The following FGD5 variants were observed in gnomAD, a reference collection of about 807,000 sequenced individuals.
FGD5 encodes FYVE, RhoGEF and PH domain containing 5.
A neutral mutation model predicts 133.4 loss-of-function variants in FGD5; 28 were observed. That is an observed-to-expected ratio of 0.21 (90% CI 0.16 to 0.29). The LOEUF (loss-of-function observed/expected upper bound fraction) is 0.29, where lower values mean the gene tolerates loss of function less well. Among genes scored for constraint, FGD5 ranks in the 10% least tolerant of loss-of-function variants. The pLI is 1.00. For synonymous variants in FGD5, 810 were observed against 776.5 expected (o/e 1.04, Z -0.72); for missense variants, 1,858 against 1,895.2 (o/e 0.98, Z 0.36).
chr3:14,835,195 G>A (rs1332401746), intron 1 of FGD5, among the ~76,000 whole-genome samples: 7 of 152,174 alleles, frequency 4.6e-5, no homozygotes, highest in African/African-American at 9.7e-5. Flanking sequence ...GCTGTCCTGC[G>A]GGTCAGAAAG....
In FGD5 at chr3:14,898,771, G is replaced by A. The variant is rs1326518520; in HGVS notation, c.3099G>A (p.Lys1033=). 4 of 1,586,722 alleles carry A rather than the reference G, an allele frequency of 2.5e-6. No homozygotes were observed. Among genetic ancestry groups the A allele is most frequent in the Non-Finnish European group, 3.4e-6 (4 of 1,167,240 alleles). The change falls in exon 7 of 20, where the codon AAG becomes AAA. Residue 1033 remains lysine, a synonymous_variant. Coordinates refer to ENST00000285046, the MANE Select transcript of FGD5 (RefSeq NM_152536.4). ...QSVQGGSQTA[K]HRLLRVVQRL... ...TACAAGGAGGCAGCCAGACTGCGAA[G>A]CATCGGCTGCTGCGGGTGGTTCAAC...
At chr3:14,889,883 CT>C (rs1404963779) in intron 4 of FGD5, among the ~76,000 whole-genome samples, 3 of 152,136 alleles carry the variant, frequency 2.0e-5, no homozygotes, top group African/African-American at 7.2e-5. Flanking sequence ...ATTGAGGTAT[CT>C]TTTTTGTATT....
intron 18 of FGD5, among the ~76,000 whole-genome samples, chr3:14,928,045 G>A (rs1346681956): frequency 6.6e-6 from 1 of 151,504 alleles, no homozygotes; most frequent in Non-Finnish European, 1.5e-5. Flanking sequence ...GGGTTCAAGT[G>A]ATTCTCCTGC....
At chr3:14,844,264 AT>A (rs1559477513) in intron 1 of FGD5, among the ~76,000 whole-genome samples, 1 of 83,470 alleles carries the variant, frequency 1.2e-5, no homozygotes, top group Non-Finnish European at 2.3e-5. Context: ...ATATATATAT[AT>A]ATATATAATG....
Position 14,819,034 on chromosome 3 carries a change from C to T in FGD5, c.-38C>T. On this transcript the variant is annotated 5_prime_UTR_variant, in exon 1 of 20. Coordinates refer to ENST00000285046, the MANE Select transcript of FGD5 (RefSeq NM_152536.4). This position sits in a 1 kb window ranked among gnomAD's most constrained non-coding sequence, Gnocchi z 4.1. ...CCAGTGACCGCGCCCAAATTCCCTT[C>T]CTCAGCCAGGCCCGAGAGTCTTCAC... 1 of 1,502,730 alleles carries T rather than the reference C, an allele frequency of 6.7e-7. No individual in the cohort carries two copies. Among genetic ancestry groups the T allele is most frequent in the Non-Finnish European group, 8.9e-7 (1 of 1,125,054 alleles). The allele number at this position is 1,502,730 out of a possible 1,614,324, so 93.1% of individuals were successfully genotyped here.
Position 14,819,272 on chromosome 3 carries a change from G to A in FGD5, c.201G>A (p.Val67=). ...SESETDEDYI[V]VPRVPLREDE... is the part of the protein sequence containing the mutation. The stretch of plus-strand genomic sequence containing the variant: ...CGGAGACCGACGAGGATTACATCGT[G>A]GTCCCCAGGGTTCCGCTGAGGGAGG... The change falls in exon 1 of 20, where the codon GTG becomes GTA. Residue 67 remains valine, a synonymous_variant. Transcript: ENST00000285046. This position sits in a 1 kb window ranked among gnomAD's most constrained non-coding sequence, Gnocchi z 4.1. 1 of 1,531,700 alleles carries A rather than the reference G, an allele frequency of 6.5e-7. No individual in the cohort carries two copies. The highest frequency in any genetic ancestry group is 8.8e-7 in the Non-Finnish European group (1 of 1,137,014). 94.9% of individuals were successfully genotyped at this position (1,531,700 alleles called of 1,614,324 possible).
chr3:14,844,264 A>G (rs1288938140), intron 1 of FGD5, among the ~76,000 whole-genome samples: 1 of 83,470 alleles, frequency 1.2e-5, no homozygotes, highest in African/African-American at 4.8e-5. Context: ...ATATATATAT[A>G]TATATATAAT....
chr3:14,888,154 A>AGT (rs3039778), intron 4 of FGD5, among the ~76,000 whole-genome samples: 104,507 of 148,814 alleles, frequency 0.7, 36,890 homozygotes, highest in Non-Finnish European at 0.73. Context: ...TGGGTGACAG[A>AGT]GAGATCCTTT....
At chr3:14,822,654 G>T (rs6801410) in intron 1 of FGD5, among the ~76,000 whole-genome samples, 8,573 of 152,204 alleles carry the variant, frequency 0.056, 259 homozygotes, top group African/African-American at 0.075. Flanking sequence ...TTATGGAATT[G>T]TGGACACAAC....
At position 14,821,044 on chromosome 3, in the gene FGD5, C is replaced by T; in HGVS notation, c.1973C>T (p.Ala658Val). The change falls in exon 1 of 20, where the codon GCA becomes GTA. Residue 658 changes from alanine to valine, a missense_variant. This residue lies in a region of FGD5 where 1,824 missense variants were observed against 1,848.9 expected (regional missense o/e 0.99). Transcript: ENST00000285046. ...AAGTCATCCTTTAAGCGCTTCCTGG[C>T]ACTGACGTTTAAGAAGAAGACGGAG... ...KKKSSFKRFLALTFKKKTENK... is the reference protein window; with the variant it reads ...KKKSSFKRFLVLTFKKKTENK... 3 of 1,613,948 alleles carry T rather than the reference C, an allele frequency of 1.9e-6. No homozygotes were observed. Among genetic ancestry groups the T allele is most frequent in the Non-Finnish European group, 1.7e-6 (2 of 1,179,892 alleles).
At chr3:14,912,379 C>T (rs2038465807) in intron 11 of FGD5, among the ~76,000 whole-genome samples, 1 of 152,122 alleles carries the variant, frequency 6.6e-6, no homozygotes, top group Admixed American at 6.5e-5. Context: ...TCTGGCTGGT[C>T]GGTTCTGCAG....
Position 14,922,923 on chromosome 3 carries a change from A to G in FGD5, c.3808-123A>G. 3 of 1,384,056 alleles carry G rather than the reference A, an allele frequency of 2.2e-6. No individual in the cohort carries two copies. The highest frequency in any genetic ancestry group is 3.0e-6 in the Non-Finnish European group (3 of 996,854). 85.7% of individuals were successfully genotyped at this position (1,384,056 alleles called of 1,614,324 possible). ...AGTAGGGGACACGCACAGCTCCATG[A>G]TCAGAACCTGGGGCTCCCTAGGGGC... On this transcript the variant is annotated intron_variant, in intron 15 of 19. Coordinates refer to ENST00000285046, the MANE Select transcript of FGD5 (RefSeq NM_152536.4). This position sits in a 1 kb window ranked among gnomAD's most constrained non-coding sequence, Gnocchi z 4.1.
chr3:14,891,356 T>C (rs9852583), intron 4 of FGD5, among the ~76,000 whole-genome samples: 109,260 of 152,078 alleles, frequency 0.72, 39,394 homozygotes, highest in African/African-American at 0.76. Flanking sequence ...CCTCACCTCC[T>C]GTGCCCTCTA....
At chr3:14,873,012 C>T (rs906859514) in intron 2 of FGD5, among the ~76,000 whole-genome samples, 1 of 152,200 alleles carries the variant, frequency 6.6e-6, no homozygotes, top group Non-Finnish European at 1.5e-5. Context: ...TGGCTTAACC[C>T]TTGCCTGGCA....
intron 18 of FGD5, among the ~76,000 whole-genome samples, chr3:14,926,562 A>G (rs2038807190): frequency 6.6e-6 from 1 of 152,260 alleles, no homozygotes; most frequent in Non-Finnish European, 1.5e-5. Flanking sequence ...GCTTGGGGCA[A>G]AATTCAGCAG....
chr3:14,923,616 C>A (rs2038729829), intron 16 of FGD5, among the ~76,000 whole-genome samples: 2 of 152,160 alleles, frequency 1.3e-5, no homozygotes, highest in African/African-American at 4.8e-5. Context: ...CCCTGAGAGA[C>A]CTGGTCAGTG....
At chr3:14,892,131 G>A (rs1411322842) in intron 4 of FGD5, among the ~76,000 whole-genome samples, 1 of 152,022 alleles carries the variant, frequency 6.6e-6, no homozygotes, top group Non-Finnish European at 1.5e-5. Context: ...CTTCCTGGAG[G>A]AAGGGCTGTC....
intron 2 of FGD5, among the ~76,000 whole-genome samples, 178 bp from the exon 3 acceptor site, chr3:14,880,394 A>G (rs1382073886): frequency 1.3e-5 from 2 of 152,182 alleles, no homozygotes; most frequent in African/African-American, 4.8e-5. Flanking sequence ...TAAAATCCAC[A>G]TTTCCAGATG....
chr3:14,888,249 G>A (rs1257597229), intron 4 of FGD5, among the ~76,000 whole-genome samples: 4 of 151,820 alleles, frequency 2.6e-5, no homozygotes, highest in African/African-American at 4.8e-5. Context: ...AATCATTGAC[G>A]TACCAGACAT....
Sources: allele counts gnomAD v4.1 joint callset (sites outside exome capture counted in the v4.1 genomes callset), GRCh38; gene constraint gnomAD v4.1.1; regional missense constraint gnomAD v4.1.1; non-coding constraint Gnocchi (gnomAD v3.1); transcripts MANE v1.5; gene names NCBI Gene and HGNC (gene_info 2026-07-23, HGNC 2026-07-21).